The following MAGI3 variants were observed in gnomAD, a reference collection of about 807,000 sequenced individuals.
The protein encoded by MAGI3 is membrane associated guanylate kinase, WW and PDZ domain containing 3.
A neutral mutation model predicts 121.8 loss-of-function variants in MAGI3; 43 were observed. The observed-to-expected ratio is 0.35, with a 90% CI of 0.28 to 0.46. The LOEUF (loss-of-function observed/expected upper bound fraction) is 0.46. Among genes scored for constraint, MAGI3 ranks in the 20% least tolerant of loss-of-function variants. MAGI3 has a pLI of 1.00. For synonymous variants in MAGI3, 553 were observed against 639.3 expected (o/e 0.86, Z 2.04); for missense variants, 1,547 against 1,797.3 (o/e 0.86, Z 2.52).
intron 14 of MAGI3, among the ~76,000 whole-genome samples, chr1:113,653,325 C>T (rs766966918): frequency 3.3e-5 from 5 of 152,120 alleles, no homozygotes; most frequent in African/African-American, 1.2e-4. Context: ...CTCACAGAAA[C>T]TTTGAAAAGC....
chr1:113,629,190 C>T (rs950177400), intron 9 of MAGI3, among the ~76,000 whole-genome samples: 2 of 151,896 alleles, frequency 1.3e-5, no homozygotes, highest in Non-Finnish European at 2.9e-5. Context: ...TCTACTTGAT[C>T]GATTCTGCTG....
intron 12 of MAGI3, among the ~76,000 whole-genome samples, chr1:113,648,044 T>G (rs1652949376): frequency 6.6e-6 from 1 of 151,984 alleles, no homozygotes; most frequent in Non-Finnish European, 1.5e-5. Context: ...TGCCTCAGCC[T>G]CCTGAGTAGC....
intron 9 of MAGI3, among the ~76,000 whole-genome samples, chr1:113,637,403 G>A (rs1335056239): frequency 6.6e-6 from 1 of 152,216 alleles, no homozygotes; most frequent in Admixed American, 6.5e-5. Flanking sequence ...CTTCCTTCAG[G>A]AGCTCTTTTA....
intron 1 of MAGI3, among the ~76,000 whole-genome samples, chr1:113,540,357 G>A (rs571980367): frequency 1.3e-5 from 2 of 152,322 alleles, no homozygotes; most frequent in Admixed American, 6.5e-5. Flanking sequence ...AAGCAGACAC[G>A]TACCCACTGT....
intron 6 of MAGI3, among the ~76,000 whole-genome samples, chr1:113,604,852 A>G (rs1029625592): frequency 2.2e-4 from 33 of 151,404 alleles, no homozygotes; most frequent in Admixed American, 2.2e-3. Context: ...AAGGGATAAA[A>G]ACTACATATT....
chr1:113,489,544 T>A lies in MAGI3; in HGVS notation c.317-59971T>A, dbSNP rs553666695. ...GCAAGGATTCTGAACCAGGCTAAGA[T>A]GGTTGAAATCACAGAAATAAGATTC... is the stretch of plus-strand genomic sequence containing the variant. On this transcript the variant is annotated intron_variant, in intron 1 of 20. Transcript: ENST00000307546. 4.6e-5 allele frequency among the ~76,000 whole-genome samples: 7 copies of A among 152,200 alleles called. No homozygotes were observed. The South Asian group carries it at 1.5e-3, about 32-fold the overall frequency.
At chr1:113,480,460 G>A (rs1017320365) in intron 1 of MAGI3, among the ~76,000 whole-genome samples, 10 of 152,264 alleles carry the variant, frequency 6.6e-5, no homozygotes, top group Admixed American at 1.3e-4. Flanking sequence ...CAGTGGAATG[G>A]CCCTGGAATC....
intron 2 of MAGI3, among the ~76,000 whole-genome samples, chr1:113,551,595 T>C (rs376282094): frequency 1.6e-4 from 24 of 152,334 alleles, no homozygotes; most frequent in African/African-American, 4.8e-4. Context: ...ATTTGCCTGA[T>C]GTGTCTTTGT....
chr1:113,650,728 T>TAG (rs749741086), intron 13 of MAGI3, among the ~76,000 whole-genome samples: 3 of 152,210 alleles, frequency 2.0e-5, no homozygotes, highest in Non-Finnish European at 4.4e-5. Flanking sequence ...ATTGTAATGA[T>TAG]AGGGATAATG....
chr1:113,641,342 C>G (rs1056747739), intron 9 of MAGI3, among the ~76,000 whole-genome samples: 2 of 150,322 alleles, frequency 1.3e-5, no homozygotes, highest in Admixed American at 6.7e-5. Context: ...ACCAACTTAG[C>G]AGGATTCCTG....
intron 14 of MAGI3, among the ~76,000 whole-genome samples, chr1:113,653,444 C>T (rs545946768): frequency 6.6e-6 from 1 of 152,074 alleles, no homozygotes; most frequent in African/African-American, 2.4e-5. Flanking sequence ...TGGTGGTGGG[C>T]ACCTGTAATC....
At chr1:113,505,881 G>T (rs897800929) in intron 1 of MAGI3, among the ~76,000 whole-genome samples, 1 of 152,124 alleles carries the variant, frequency 6.6e-6, no homozygotes, top group Non-Finnish European at 1.5e-5. Context: ...CAAAAGGTAG[G>T]TAGGGCCTGA....
At chr1:113,601,478 C>T (rs1320442443) in intron 6 of MAGI3, among the ~76,000 whole-genome samples, 10 of 144,756 alleles carry the variant, frequency 6.9e-5, no homozygotes, top group African/African-American at 2.3e-4. Context: ...AAAATGCTCA[C>T]CATCACTGGC....
chr1:113,618,384 C>T (rs1338318986), intron 7 of MAGI3: 1 of 310,592 alleles, frequency 3.2e-6, no homozygotes, highest in Non-Finnish European at 6.2e-6. Context: ...AAATGTTCAA[C>T]TTGTGTGACT....
intron 2 of MAGI3, among the ~76,000 whole-genome samples, chr1:113,570,258 C>A (rs1396146586): frequency 2.0e-5 from 3 of 152,042 alleles, no homozygotes; most frequent in African/African-American, 4.8e-5. Flanking sequence ...TCCATGGTGT[C>A]CCTGTGCCAC....
intron 15 of MAGI3, among the ~76,000 whole-genome samples, chr1:113,656,009 C>A (rs938723368): frequency 2.6e-5 from 4 of 152,050 alleles, no homozygotes; most frequent in Admixed American, 1.3e-4. Context: ...GGAAAGAAAG[C>A]CCAATTAAAA....
At chr1:113,588,783 C>A (rs973236797) in intron 4 of MAGI3, among the ~76,000 whole-genome samples, 6 of 152,018 alleles carry the variant, frequency 3.9e-5, no homozygotes, top group African/African-American at 1.4e-4. Context: ...AATTCAAAAG[C>A]CTTGTTGGAG....
intron 1 of MAGI3, among the ~76,000 whole-genome samples, chr1:113,394,932 A>G (rs1176801701): frequency 6.6e-6 from 1 of 152,084 alleles, no homozygotes; most frequent in Non-Finnish European, 1.5e-5. Context: ...TGGGACATCC[A>G]ATTTGTAAGG....
chr1:113,423,953 G>A (rs1453514634), intron 1 of MAGI3, among the ~76,000 whole-genome samples: 1 of 152,206 alleles, frequency 6.6e-6, no homozygotes, highest in African/African-American at 2.4e-5. Context: ...ACCCGGCCTA[G>A]TTGTGAGCCT....
Sources: allele counts gnomAD v4.1 joint callset (sites outside exome capture counted in the v4.1 genomes callset), GRCh38; gene constraint gnomAD v4.1.1; transcripts MANE v1.5; gene names NCBI Gene and HGNC (gene_info 2026-07-23, HGNC 2026-07-21).